The following RCOR1 variants were observed in gnomAD, a reference collection of about 807,000 sequenced individuals.
The protein encoded by RCOR1 is REST corepressor 1, also known as REST corepressor.
A neutral mutation model predicts 64.0 loss-of-function variants in RCOR1; 12 were observed. The ratio of observed to expected loss-of-function variants is 0.19; its 90% CI spans 0.12 to 0.30. The LOEUF (loss-of-function observed/expected upper bound fraction) is 0.30. Among genes scored for constraint, RCOR1 ranks in the 10% least tolerant of loss-of-function variants. RCOR1 has a pLI of 1.00. For synonymous variants in RCOR1, 279 were observed against 227.2 expected, an observed-to-expected ratio of 1.23 and a Z score of -2.05; for missense variants, 502 against 621.2, an observed-to-expected ratio of 0.81 and a Z score of 2.04.
At chr14:102,633,759 G>A (rs182494124) in intron 2 of RCOR1, among the ~76,000 whole-genome samples, 7 of 152,136 alleles carry the variant, frequency 4.6e-5, no homozygotes, top group Non-Finnish European at 7.4e-5. Flanking sequence ...GGCTGGTCTC[G>A]AACTCCTGAC....
At chr14:102,668,533 C>G (rs1894962689) in intron 2 of RCOR1, among the ~76,000 whole-genome samples, 1 of 152,168 alleles carries the variant, frequency 6.6e-6, no homozygotes, top group Non-Finnish European at 1.5e-5. Flanking sequence ...ATGATAGTTT[C>G]TACCTCGGCT....
At chr14:102,623,153 A>G (rs779708502) in intron 2 of RCOR1, among the ~76,000 whole-genome samples, 3 of 152,064 alleles carry the variant, frequency 2.0e-5, no homozygotes, top group African/African-American at 4.8e-5. Context: ...TCACAGTTTC[A>G]TTTAATGTAT....
At chr14:102,637,001 C>G (rs1894254831) in intron 2 of RCOR1, among the ~76,000 whole-genome samples, 1 of 151,966 alleles carries the variant, frequency 6.6e-6, no homozygotes, top group Non-Finnish European at 1.5e-5. Context: ...AAACAAAACT[C>G]TTTGCATATT....
chr14:102,640,789 C>T (rs768139072), intron 2 of RCOR1, among the ~76,000 whole-genome samples: 36 of 148,798 alleles, frequency 2.4e-4, no homozygotes, highest in Middle Eastern at 3.2e-3. Flanking sequence ...AGTGAAACCC[C>T]GTCTTACAGA....
chr14:102,724,435 C>T (rs1896223820), intron 11 of RCOR1, among the ~76,000 whole-genome samples: 1 of 152,070 alleles, frequency 6.6e-6, no homozygotes, highest in South Asian at 2.1e-4. Flanking sequence ...AGTGCTTCTC[C>T]TGCCTCAGCC....
At chr14:102,690,328 G>A (rs1895505628) in intron 3 of RCOR1, among the ~76,000 whole-genome samples, 1 of 152,146 alleles carries the variant, frequency 6.6e-6, no homozygotes, top group Non-Finnish European at 1.5e-5. Context: ...CATAGTAAAT[G>A]TCAGGTGTCT....
intron 3 of RCOR1, among the ~76,000 whole-genome samples, chr14:102,688,816 C>G (rs1895472428): frequency 6.6e-6 from 1 of 152,208 alleles, no homozygotes; most frequent in South Asian, 2.1e-4. Flanking sequence ...TCCTCAGTCC[C>G]CACTGTGATA....
At chr14:102,637,110 TG>T (rs1894258555) in intron 2 of RCOR1, among the ~76,000 whole-genome samples, 1 of 149,018 alleles carries the variant, frequency 6.7e-6, no homozygotes, top group African/African-American at 2.6e-5. Flanking sequence ...AAGTTTTTTT[TG>T]TTTGTTTGTT....
At chr14:102,726,339 A>G in intron 11 of RCOR1, 129 bp from the exon 12 acceptor site, 1 of 827,742 alleles carries the variant, frequency 1.2e-6, no homozygotes, top group Non-Finnish European at 1.9e-6. Context: ...CCAAAAAAAA[A>G]AAAAAGAACT....
intron 2 of RCOR1, among the ~76,000 whole-genome samples, chr14:102,607,484 T>C (rs1893536421): frequency 6.6e-6 from 1 of 152,024 alleles, no homozygotes; most frequent in Non-Finnish European, 1.5e-5. Context: ...TGGTGACTCA[T>C]GCGTGTAATC....
chr14:102,701,357 C>T, intron 4 of RCOR1, 27 bp downstream of exon 4: 3 of 1,532,430 alleles, frequency 2.0e-6, no homozygotes, highest in Non-Finnish European at 2.6e-6. Context: ...CTTTCTTTTG[C>T]TGTTAAAAAA....
Position 102,609,922 on chromosome 14 carries a change from G to T in RCOR1, c.361+16597G>T, listed in dbSNP as rs146996266. 5.0e-4 allele frequency among the ~76,000 whole-genome samples: 76 copies of T among 152,040 alleles called. No homozygotes were observed. The East Asian group carries it at 0.013, about 26-fold the overall frequency. Reference sequence around the variant, plus strand: ...TGGGAGGCCGAGGCAGGCAGATCACGAGGTCAAGAGATTGAGCCCACCCTG... The same window carrying T: ...TGGGAGGCCGAGGCAGGCAGATCACTAGGTCAAGAGATTGAGCCCACCCTG... On this transcript the variant is annotated intron_variant, in intron 2 of 11. Coordinates refer to ENST00000262241, the MANE Select transcript of RCOR1 (RefSeq NM_015156.4).
chr14:102,647,588 G>T (rs964632187), intron 2 of RCOR1, among the ~76,000 whole-genome samples: 2 of 151,986 alleles, frequency 1.3e-5, no homozygotes, highest in Non-Finnish European at 2.9e-5. Flanking sequence ...CAAAGTGCTG[G>T]GATTACAGGC....
intron 2 of RCOR1, among the ~76,000 whole-genome samples, chr14:102,681,652 C>T (rs1208369218): frequency 1.3e-5 from 2 of 152,160 alleles, no homozygotes; most frequent in African/African-American, 4.8e-5. Flanking sequence ...TCTTGGATGT[C>T]TCATGCCTAA....
At chr14:102,606,483 C>T (rs865972115) in intron 2 of RCOR1, among the ~76,000 whole-genome samples, 20 of 152,172 alleles carry the variant, frequency 1.3e-4, no homozygotes, top group Middle Eastern at 6.8e-3. Flanking sequence ...GGGAGTTCAG[C>T]GGGGAGGAAG....
At chr14:102,680,301 A>T (rs1895278091) in intron 2 of RCOR1, among the ~76,000 whole-genome samples, 1 of 152,184 alleles carries the variant, frequency 6.6e-6, no homozygotes, top group Non-Finnish European at 1.5e-5. Flanking sequence ...GATTTTCTAC[A>T]CAGATAATCG....
chr14:102,643,278 C>T (rs559924908), intron 2 of RCOR1: 252 of 915,420 alleles, frequency 2.8e-4, no homozygotes, highest in Non-Finnish European at 3.1e-4. Flanking sequence ...AGCGAGACTC[C>T]GTCTCAAAAA....
rs1048057158 is a variant in RCOR1 at position 102,727,403 on chromosome 14, G to C, written c.*897G>C. 6.6e-6 allele frequency: 1 copy of C among 151,692 alleles called. No homozygotes were observed. The highest frequency in any genetic ancestry group is 1.5e-5 in the Non-Finnish European group (1 of 67,940). 9.4% of individuals were successfully genotyped at this position (151,692 alleles called of 1,614,324 possible). On this transcript the variant is annotated 3_prime_UTR_variant, in exon 12 of 12. Coordinates refer to ENST00000262241, the MANE Select transcript of RCOR1 (RefSeq NM_015156.4). ...GGTTATCAATCCTTTTTCTGTTTTA[G>C]TGTCTTATTTCTTCTTTCAAGTTAT... is the stretch of plus-strand genomic sequence containing the variant.
At chr14:102,615,180 G>A (rs1378038382) in intron 2 of RCOR1, among the ~76,000 whole-genome samples, 1 of 123,904 alleles carries the variant, frequency 8.1e-6, no homozygotes, top group East Asian at 2.3e-4. Context: ...CACCCAGCCT[G>A]GAGTGCAGTG....
Sources: allele counts gnomAD v4.1 joint callset (sites outside exome capture counted in the v4.1 genomes callset), GRCh38; gene constraint gnomAD v4.1.1; transcripts MANE v1.5; gene names NCBI Gene and HGNC (gene_info 2026-07-23, HGNC 2026-07-21).